Variants in ADAMTS6 observed in about 807,000 individuals in gnomAD.
ADAMTS6 encodes ADAM metallopeptidase with thrombospondin type 1 motif 6.
ADAMTS6 carries 23 observed loss-of-function variants against 144.3 expected under a neutral mutation model. The ratio of observed to expected loss-of-function variants is 0.16; its 90% CI spans 0.11 to 0.23. ADAMTS6 has a LOEUF of 0.23. ADAMTS6 is among the 10% of genes least tolerant of loss of function. The pLI, the probability that ADAMTS6 is intolerant of heterozygous loss-of-function variation, is 1.00. For synonymous variants in ADAMTS6, 444 were observed against 457.5 expected (o/e 0.97, Z 0.38); for missense variants, 999 against 1,379.6 (o/e 0.72, Z 4.37).
At chr5:65,377,715 A>T (rs982617673) in intron 7 of ADAMTS6, among the ~76,000 whole-genome samples, 4 of 152,216 alleles carry the variant, frequency 2.6e-5, no homozygotes, top group Non-Finnish European at 5.9e-5. Flanking sequence ...GGTAAGAAAG[A>T]AGAATGAAAG....
At chr5:65,314,999 A>G (rs1338308610) in intron 9 of ADAMTS6, among the ~76,000 whole-genome samples, 1 of 152,170 alleles carries the variant, frequency 6.6e-6, no homozygotes, top group African/African-American at 2.4e-5. Flanking sequence ...AATGCATACA[A>G]CTATTATGTA....
At chr5:65,294,204 A>G (rs141510403) in intron 10 of ADAMTS6, among the ~76,000 whole-genome samples, 199 of 152,208 alleles carry the variant, frequency 1.3e-3, no homozygotes, top group African/African-American at 4.7e-3. Flanking sequence ...GGGATGGGAT[A>G]GTTTTCCTGT....
chr5:65,410,060 A>G (rs530090332), intron 7 of ADAMTS6, among the ~76,000 whole-genome samples: 1 of 152,320 alleles, frequency 6.6e-6, no homozygotes, highest in Non-Finnish European at 1.5e-5. Flanking sequence ...AATTCATCAT[A>G]TTCTTTCCTA....
At chr5:65,328,232 T>C (rs1312502887) in intron 9 of ADAMTS6, among the ~76,000 whole-genome samples, 2 of 151,930 alleles carry the variant, frequency 1.3e-5, no homozygotes, top group East Asian at 3.9e-4. Context: ...CCAATTTTAC[T>C]CTCCACTTCA....
chr5:65,472,249 G>C (rs1241590506), intron 2 of ADAMTS6, among the ~76,000 whole-genome samples: 1 of 152,108 alleles, frequency 6.6e-6, no homozygotes, highest in East Asian at 1.9e-4. Context: ...ACAGACAGAA[G>C]GTTTAGTTGC....
At chr5:65,405,090 T>C (rs1754325806) in intron 7 of ADAMTS6, among the ~76,000 whole-genome samples, 2 of 152,176 alleles carry the variant, frequency 1.3e-5, no homozygotes, top group Non-Finnish European at 2.9e-5. Flanking sequence ...TCCCATTCTG[T>C]AGGCTGCCTG....
intron 7 of ADAMTS6, among the ~76,000 whole-genome samples, chr5:65,383,289 C>A (rs1325379556): frequency 1.3e-5 from 2 of 152,084 alleles, no homozygotes; most frequent in Non-Finnish European, 2.9e-5. Flanking sequence ...CTAAAGTCAT[C>A]AAATATTGGT....
At chr5:65,216,020 CA>C (rs574096885) in intron 18 of ADAMTS6, among the ~76,000 whole-genome samples, 1 of 151,354 alleles carries the variant, frequency 6.6e-6, no homozygotes, top group African/African-American at 2.4e-5. Context: ...ATTCTTTTGG[CA>C]AAAAAATGCT....
chr5:65,386,775 CAG>C (rs755231705), intron 7 of ADAMTS6, among the ~76,000 whole-genome samples: 36 of 152,228 alleles, frequency 2.4e-4, no homozygotes, highest in Non-Finnish European at 4.1e-4. Context: ...TTAGTAGAGA[CAG>C]GGTTTCACCA....
chr5:65,212,270 A>G (rs963306711), intron 20 of ADAMTS6, among the ~76,000 whole-genome samples: 1 of 152,110 alleles, frequency 6.6e-6, no homozygotes, highest in South Asian at 2.1e-4. Flanking sequence ...GAAGAAGGCA[A>G]TAGCCTCAAG....
chr5:65,289,507 C>G (rs530352181), intron 11 of ADAMTS6, among the ~76,000 whole-genome samples: 1 of 152,160 alleles, frequency 6.6e-6, no homozygotes, highest in Non-Finnish European at 1.5e-5. Flanking sequence ...GCCTGGGTGA[C>G]AGAGCAAAAC....
chr5:65,260,546 T>G (rs1224856709), intron 14 of ADAMTS6, 54 bp downstream of exon 14: 1 of 1,472,738 alleles, frequency 6.8e-7, no homozygotes, highest in African/African-American at 1.4e-5. Flanking sequence ...AAAATTTCCC[T>G]ACTCTAGGGA....
intron 9 of ADAMTS6, among the ~76,000 whole-genome samples, chr5:65,325,142 G>A (rs920912620): frequency 3.9e-5 from 6 of 152,182 alleles, no homozygotes; most frequent in African/African-American, 1.4e-4. Context: ...GGATGGAGGA[G>A]TGGGGAGGAG....
At chr5:65,240,151 C>T (rs74999448) in intron 15 of ADAMTS6, among the ~76,000 whole-genome samples, 2,725 of 152,108 alleles carry the variant, frequency 0.018, 70 homozygotes, top group African/African-American at 0.061. Context: ...TGGAATACTG[C>T]TCAGCAATAA....
intron 7 of ADAMTS6, among the ~76,000 whole-genome samples, chr5:65,359,707 T>C (rs1749650560): frequency 6.6e-6 from 1 of 152,110 alleles, no homozygotes. Context: ...ATCCTGTGAT[T>C]TAAGACAACA....
intron 24 of ADAMTS6, among the ~76,000 whole-genome samples, chr5:65,169,569 A>G (rs1216608773): frequency 1.4e-5 from 2 of 144,728 alleles, no homozygotes; most frequent in East Asian, 4.1e-4. Context: ...TCATGCTGCT[A>G]TAAAGACACA....
At chr5:65,323,614 A>G (rs1182687402) in intron 9 of ADAMTS6, among the ~76,000 whole-genome samples, 3 of 152,042 alleles carry the variant, frequency 2.0e-5, no homozygotes, top group Non-Finnish European at 4.4e-5. Flanking sequence ...ATGATTTATA[A>G]TCCTTTGGGT....
intron 22 of ADAMTS6, among the ~76,000 whole-genome samples, chr5:65,182,815 T>C (rs559072987): frequency 6.6e-6 from 1 of 152,312 alleles, no homozygotes; most frequent in South Asian, 2.1e-4. Context: ...TATTTTATCT[T>C]ATAGTAACAG....
intron 7 of ADAMTS6, among the ~76,000 whole-genome samples, chr5:65,375,353 C>A (rs1751421302): frequency 6.6e-6 from 1 of 151,538 alleles, no homozygotes; most frequent in Admixed American, 6.6e-5. Context: ...ATTTTCACAA[C>A]CTACTCATCT....
Sources: gnomAD v4.1 joint callset for allele counts (sites outside exome capture counted in the v4.1 genomes callset) on GRCh38, gnomAD v4.1.1 for gene constraint, MANE v1.5 for transcripts, NCBI Gene and HGNC (gene_info 2026-07-23, HGNC 2026-07-21) for gene names.